RCAN2: variants seen among roughly 807,000 people sequenced by gnomAD.
RCAN2 encodes calcipressin-2.
RCAN2 carries 9 observed loss-of-function variants against 23.6 expected under a neutral mutation model. The ratio of observed to expected loss-of-function variants is 0.38; its 90% CI spans 0.23 to 0.67. The LOEUF is 0.67. Ranked by LOEUF, RCAN2 falls within the 30% of genes least tolerant of loss-of-function variation. RCAN2 has a pLI of 0.51. For missense variants in RCAN2, 273 were observed against 302.3 expected (o/e 0.90, Z 0.72); for synonymous variants, 109 against 115.7 (o/e 0.94, Z 0.37).
Position 46,358,108 on chromosome 6 carries a change from G to A in RCAN2, c.225+98644C>T, listed in dbSNP as rs77116607. On this transcript the variant is annotated intron_variant, in intron 2 of 4. Transcript: ENST00000371374. ...TCAATAACGTTATAATCCCGGTGACGCCCTAGGTCTAGAATGACATTTATC... is the reference window on the plus strand; with the variant it reads ...TCAATAACGTTATAATCCCGGTGACACCCTAGGTCTAGAATGACATTTATC... Among the ~76,000 whole-genome samples, 18 of 152,250 alleles carry A rather than the reference G, an allele frequency of 1.2e-4. No homozygotes were observed. The East Asian group carries it at 3.1e-3, about 26-fold the overall frequency.
At chr6:46,356,386 G>T (rs1004387267) in intron 2 of RCAN2, among the ~76,000 whole-genome samples, 3 of 152,208 alleles carry the variant, frequency 2.0e-5, no homozygotes, top group African/African-American at 4.8e-5. Context: ...AGAAAGTGAT[G>T]TTTAAACCCT....
At chr6:46,246,712 C>A in intron 4 of RCAN2, 36 bp downstream of exon 4, 1 of 1,599,222 alleles carries the variant, frequency 6.3e-7, no homozygotes, top group South Asian at 1.1e-5. Flanking sequence ...AGGTTGCTGA[C>A]AAACGTTTAT....
intron 2 of RCAN2, among the ~76,000 whole-genome samples, chr6:46,318,604 C>T (rs902937133): frequency 4.6e-5 from 7 of 151,888 alleles, no homozygotes; most frequent in African/African-American, 1.5e-4. Flanking sequence ...TTCTTTGGGC[C>T]CTTAATCCCT....
chr6:46,483,884 C>A (rs1377783515), intron 1 of RCAN2, among the ~76,000 whole-genome samples: 1 of 152,172 alleles, frequency 6.6e-6, no homozygotes, highest in Non-Finnish European at 1.5e-5. Flanking sequence ...CTTGTCAAGG[C>A]TAAGAAATTT....
intron 1 of RCAN2, among the ~76,000 whole-genome samples, chr6:46,468,416 T>C (rs1430976085): frequency 6.6e-6 from 1 of 152,132 alleles, no homozygotes; most frequent in Non-Finnish European, 1.5e-5. Context: ...ATTTTCCAAC[T>C]TAGATGAAAA....
At chr6:46,243,655 T>C (rs1339289680) in intron 4 of RCAN2, among the ~76,000 whole-genome samples, 1 of 151,138 alleles carries the variant, frequency 6.6e-6, no homozygotes, top group Non-Finnish European at 1.5e-5. Flanking sequence ...CTAAAAAATA[T>C]AAAAATTAGC....
intron 2 of RCAN2, among the ~76,000 whole-genome samples, chr6:46,304,817 G>T (rs764272401): frequency 6.6e-6 from 1 of 152,084 alleles, no homozygotes; most frequent in Non-Finnish European, 1.5e-5. Context: ...TATATATCAA[G>T]CCCATGCTCT....
At chr6:46,264,801 G>A (rs756775057) in intron 2 of RCAN2, among the ~76,000 whole-genome samples, 5 of 152,182 alleles carry the variant, frequency 3.3e-5, no homozygotes. Flanking sequence ...ATTTTCATGT[G>A]GGAATTTATT....
At chr6:46,469,264 T>C (rs559817216) in intron 1 of RCAN2, among the ~76,000 whole-genome samples, 2 of 152,326 alleles carry the variant, frequency 1.3e-5, no homozygotes, top group Non-Finnish European at 2.9e-5. Context: ...TGATCCGTAA[T>C]TAATCTCCCA....
At chr6:46,267,301 G>A (rs1767367628) in intron 2 of RCAN2, among the ~76,000 whole-genome samples, 1 of 152,084 alleles carries the variant, frequency 6.6e-6, no homozygotes, top group African/African-American at 2.4e-5. Context: ...AGGACAAAGT[G>A]ACCCATACAT....
chr6:46,346,323 C>T (rs1764479699), intron 2 of RCAN2, among the ~76,000 whole-genome samples: 1 of 151,982 alleles, frequency 6.6e-6, no homozygotes, highest in Admixed American at 6.6e-5. Context: ...TTTATAGACT[C>T]AGGAAACAAA....
In RCAN2 at chr6:46,428,988, A is replaced by G. The variant is rs1237728058; in HGVS notation, c.225+27764T>C. On this transcript the variant is annotated intron_variant, in intron 2 of 4. Coordinates refer to ENST00000371374, the MANE Select transcript of RCAN2 (RefSeq NM_001251974.2). The stretch of plus-strand genomic sequence containing the variant: ...ATCTAAAACAGGAATGTAAATATGT[A>G]GAAGGTAAAAGGTAGATGACCTCAG... Among the ~76,000 whole-genome samples, 3 of 152,362 alleles carry G rather than the reference A, an allele frequency of 2.0e-5. No individual in the cohort carries two copies. The East Asian group carries it at 5.8e-4, about 29-fold the overall frequency.
chr6:46,334,037 G>A (rs1026427675), intron 2 of RCAN2, among the ~76,000 whole-genome samples: 29 of 152,160 alleles, frequency 1.9e-4, no homozygotes, highest in East Asian at 5.8e-4. Context: ...GGGCCTTTGC[G>A]CTTGGCCATC....
At chr6:46,464,475 G>A (rs754724909) in intron 1 of RCAN2, among the ~76,000 whole-genome samples, 1 of 152,058 alleles carries the variant, frequency 6.6e-6, no homozygotes. Flanking sequence ...GATCCTCCTA[G>A]GGATAAGACA....
At chr6:46,239,935 C>A (rs1394438525) in intron 4 of RCAN2, among the ~76,000 whole-genome samples, 2 of 152,022 alleles carry the variant, frequency 1.3e-5, no homozygotes, top group Admixed American at 1.3e-4. Context: ...GAAAAAGAAG[C>A]AGAATCCCGG....
At chr6:46,322,751 A>T (rs2150362883) in intron 2 of RCAN2, among the ~76,000 whole-genome samples, 1 of 152,354 alleles carries the variant, frequency 6.6e-6, no homozygotes, top group Non-Finnish European at 1.5e-5. Flanking sequence ...TCTGACAATA[A>T]ACCTTAAAGA....
At chr6:46,309,373 A>T (rs1390321439) in intron 2 of RCAN2, among the ~76,000 whole-genome samples, 1 of 152,164 alleles carries the variant, frequency 6.6e-6, no homozygotes, top group African/African-American at 2.4e-5. Flanking sequence ...TTCACATAGT[A>T]TTAAGAGAGA....
chr6:46,406,366 T>C (rs904972365), intron 2 of RCAN2, among the ~76,000 whole-genome samples: 1 of 152,214 alleles, frequency 6.6e-6, no homozygotes, highest in African/African-American at 2.4e-5. Flanking sequence ...TTAAAATGTA[T>C]ATATATGACC....
intron 1 of RCAN2, among the ~76,000 whole-genome samples, chr6:46,475,358 T>G (rs1220997880): frequency 3.3e-5 from 5 of 152,196 alleles, no homozygotes; most frequent in African/African-American, 1.2e-4. Context: ...ATTCCATTTT[T>G]TAACTTCAGG....
Sources: gnomAD v4.1 joint callset for allele counts (sites outside exome capture counted in the v4.1 genomes callset) on GRCh38, gnomAD v4.1.1 for gene constraint, MANE v1.5 for transcripts, NCBI Gene and HGNC (gene_info 2026-07-23, HGNC 2026-07-21) for gene names.